Variants in PCDHGA1 observed in about 807,000 individuals in gnomAD.
The protein encoded by PCDHGA1 is protocadherin gamma subfamily A, 1, also known as protocadherin gamma-A1.
A neutral mutation model predicts 58.0 loss-of-function variants in PCDHGA1; 32 were observed. The ratio of observed to expected loss-of-function variants is 0.55; its 90% CI spans 0.42 to 0.74. The LOEUF (loss-of-function observed/expected upper bound fraction) is 0.74. Among genes scored for constraint, PCDHGA1 ranks in the 30% least tolerant of loss-of-function variants. The pLI is 0.00. For missense variants in PCDHGA1, 1,205 were observed against 1,182.3 expected (o/e 1.02, Z -0.28); for synonymous variants, 498 against 501.1 (o/e 0.99, Z 0.08).
rs141556649 is a variant in PCDHGA1 at position 141,492,225 on chromosome 5, C to T, written c.2422-2582C>T. ...GTGTGCGCGCGGGGCTCATGCGTGT[C>T]CTCCCTGCTGGCCACCCCCACGGCC... On this transcript the variant is annotated intron_variant, in intron 1 of 3. Transcript: ENST00000517417. Among the ~76,000 whole-genome samples the T allele has an allele frequency of 2.4e-3, 361 of 152,274 alleles. No individual in the cohort carries two copies. In the Middle Eastern group the frequency reaches 0.024, roughly 10 times the overall value.
At chr5:141,346,447 A>T in intron 1 of PCDHGA1, 1 of 1,614,268 alleles carries the variant, frequency 6.2e-7, no homozygotes, top group East Asian at 2.2e-5. Flanking sequence ...GGAGATTCCA[A>T]CCTACTTCAG....
chr5:141,337,533 T>C (rs1410423604), intron 1 of PCDHGA1, among the ~76,000 whole-genome samples: 2 of 152,194 alleles, frequency 1.3e-5, no homozygotes, highest in African/African-American at 4.8e-5. Flanking sequence ...AAATGACAAA[T>C]ACTGTATGAT....
rs138463062 is a variant in PCDHGA1 at position 141,485,217 on chromosome 5, C to T, written c.2422-9590C>T. 7,893 of 1,614,092 alleles carry T rather than the reference C, an allele frequency of 4.9e-3. 42 individuals carry two copies. Among genetic ancestry groups the T allele is most frequent in the Admixed American group, 8.8e-3 (531 of 60,030 alleles). On this transcript the variant is annotated intron_variant, in intron 1 of 3. Coordinates refer to ENST00000517417, the MANE Select transcript of PCDHGA1 (RefSeq NM_018912.3). This position sits in a 1 kb window ranked among gnomAD's most constrained non-coding sequence, Gnocchi z 5.7. Reference sequence around the variant, plus strand: ...AGCTGGACAGAAATCTGGCGGTGGGCTACCCTTTTGTTCCTCTTTTACCAC... The same window carrying T: ...AGCTGGACAGAAATCTGGCGGTGGGTTACCCTTTTGTTCCTCTTTTACCAC...
chr5:141,478,124 T>C (rs776469996), intron 1 of PCDHGA1: 1 of 1,613,978 alleles, frequency 6.2e-7, no homozygotes, highest in South Asian at 1.1e-5. Flanking sequence ...AACCGAGGAC[T>C]CTCCTGAAGC....
chr5:141,427,723 G>A, intron 1 of PCDHGA1: 1 of 1,127,490 alleles, frequency 8.9e-7, no homozygotes, highest in Non-Finnish European at 1.3e-6. Context: ...CTGGACCTAG[G>A]GCTGAATGGC....
In PCDHGA1 at chr5:141,330,660, A is replaced by C; in HGVS notation, c.-25A>C. On this transcript the variant is annotated 5_prime_UTR_variant, in exon 1 of 4. Transcript: ENST00000517417. ...AACGATACCCTTGGTACTGGACTGG[A>C]AGAAAACTACGAAGTGAGAGAGCCA... 1 of 1,580,266 alleles carries C rather than the reference A, an allele frequency of 6.3e-7. No homozygotes were observed. Among genetic ancestry groups the C allele is most frequent in the Non-Finnish European group, 8.6e-7 (1 of 1,161,876 alleles).
chr5:141,352,232 C>T, intron 1 of PCDHGA1: 1 of 1,614,086 alleles, frequency 6.2e-7, no homozygotes, highest in Non-Finnish European at 8.5e-7. Flanking sequence ...CACGCTGCAC[C>T]TAATCTTCGC....
At chr5:141,423,148 C>G (rs2096714622) in intron 1 of PCDHGA1, 1 of 1,613,404 alleles carries the variant, frequency 6.2e-7, no homozygotes, top group African/African-American at 1.3e-5. Flanking sequence ...CGCGCTCAAG[C>G]AGAGCCTCGT....
intron 2 of PCDHGA1, among the ~76,000 whole-genome samples, chr5:141,497,023 G>A (rs1271608156): frequency 1.3e-5 from 2 of 151,912 alleles, no homozygotes; most frequent in Non-Finnish European, 2.9e-5. Flanking sequence ...ACCCCATCTC[G>A]ATTAAAAATA....
intron 1 of PCDHGA1, chr5:141,360,343 G>A (rs1761549826): frequency 6.2e-7 from 1 of 1,613,806 alleles, no homozygotes; most frequent in African/African-American, 1.3e-5. Flanking sequence ...GCGGGTTAGC[G>A]CGGAGAAGGA....
chr5:141,409,657 C>T (rs13184346), intron 1 of PCDHGA1: 1 of 1,613,620 alleles, frequency 6.2e-7, no homozygotes, highest in Non-Finnish European at 8.5e-7. Context: ...GGCTCAATGG[C>T]CACATCTCCT....
At chr5:141,448,542 T>G (rs2098594694) in intron 1 of PCDHGA1, among the ~76,000 whole-genome samples, 1 of 152,210 alleles carries the variant, frequency 6.6e-6, no homozygotes, top group Non-Finnish European at 1.5e-5. Flanking sequence ...GCATTTCTTA[T>G]GCAAATATGT....
At chr5:141,357,327 G>T (rs373544325) in intron 1 of PCDHGA1, 3 of 1,614,030 alleles carry the variant, frequency 1.9e-6, no homozygotes, top group East Asian at 2.2e-5. Flanking sequence ...CTTTTGTCAC[G>T]GTGCTGCTAG....
At position 141,477,269 on chromosome 5, in the gene PCDHGA1, G is replaced by A; in HGVS notation, c.2422-17538G>A. On this transcript the variant is annotated intron_variant, in intron 1 of 3. Coordinates refer to ENST00000517417, the MANE Select transcript of PCDHGA1 (RefSeq NM_018912.3). This position sits in a 1 kb window ranked among gnomAD's most constrained non-coding sequence, Gnocchi z 4.9. Reference sequence around the variant, plus strand: ...GACTGACCTGGATGCTGGCGAGAACGGGCTGGTGACCTGCGAAGTTCCACC... The same window carrying A: ...GACTGACCTGGATGCTGGCGAGAACAGGCTGGTGACCTGCGAAGTTCCACC... 1.9e-6 allele frequency: 3 copies of A among 1,614,154 alleles called. No individual in the cohort carries two copies. Among genetic ancestry groups the A allele is most frequent in the Non-Finnish European group, 2.5e-6 (3 of 1,180,030 alleles).
chr5:141,421,069 A>T, intron 1 of PCDHGA1: 1 of 598,532 alleles, frequency 1.7e-6, no homozygotes, highest in Non-Finnish European at 2.8e-6. Context: ...AAGCGGAATG[A>T]GATGGATACT....
chr5:141,418,810 A>G lies in PCDHGA1; in HGVS notation c.2422-75997A>G, dbSNP rs149866479. The G allele has an allele frequency of 4.9e-3, 7,975 of 1,613,892 alleles. 44 individuals carry two copies. Among genetic ancestry groups the G allele is most frequent in the Admixed American group, 9.4e-3 (567 of 60,018 alleles). On this transcript the variant is annotated intron_variant, in intron 1 of 3. Coordinates refer to ENST00000517417, the MANE Select transcript of PCDHGA1 (RefSeq NM_018912.3). ...TTGAAGAAGTAGAAAGATATACGAT[A>G]AACATAGAAGCAAAAGACCGAGGAT...
Position 141,505,383 on chromosome 5 carries a change from C to T in PCDHGA1, c.2481-10C>T, listed in dbSNP as rs369765886. On this transcript the variant is annotated splice_polypyrimidine_tract_variant and intron_variant, in intron 2 of 3. Coordinates refer to ENST00000517417, the MANE Select transcript of PCDHGA1 (RefSeq NM_018912.3). Reference sequence around the variant, plus strand: ...GGGAGTCTGTGCTCACCATCCTACTCTCTCCCCAGCTCCCAAAATGGCGAT... The same window carrying T: ...GGGAGTCTGTGCTCACCATCCTACTTTCTCCCCAGCTCCCAAAATGGCGAT... The T allele has an allele frequency of 1.2e-6, 2 of 1,613,944 alleles. No individual in the cohort carries two copies. Among genetic ancestry groups the T allele is most frequent in the African/African-American group, 2.7e-5 (2 of 74,914 alleles).
chr5:141,343,056 CT>C (rs986126957), intron 1 of PCDHGA1: 6 of 155,038 alleles, frequency 3.9e-5, no homozygotes, highest in Non-Finnish European at 8.5e-5. Flanking sequence ...GAAGGCCCCC[CT>C]AACCCCCTTG....
intron 1 of PCDHGA1, chr5:141,343,717 T>C (rs1324565577): frequency 8.6e-6 from 2 of 233,038 alleles, no homozygotes; most frequent in African/African-American, 4.5e-5. Context: ...GGATTTCAGA[T>C]CTTGGATAAT....
Sources: allele counts gnomAD v4.1 joint callset (sites outside exome capture counted in the v4.1 genomes callset), GRCh38; gene constraint gnomAD v4.1.1; non-coding constraint Gnocchi (gnomAD v3.1); transcripts MANE v1.5; gene names NCBI Gene and HGNC (gene_info 2026-07-23, HGNC 2026-07-21).